ITPK1: variants seen among roughly 807,000 people sequenced by gnomAD.
ITPK1 encodes inositol-tetrakisphosphate 1-kinase.
Under a neutral mutation model 45.3 loss-of-function variants are expected in ITPK1, and 21 were observed. That is an observed-to-expected ratio of 0.46 (90% CI 0.33 to 0.67). The LOEUF (loss-of-function observed/expected upper bound fraction) is 0.67, where lower values mean the gene tolerates loss of function less well. ITPK1 is among the 30% of genes least tolerant of loss of function. The pLI is 0.02. For synonymous variants in ITPK1, 258 were observed against 253.6 expected (o/e 1.02, Z -0.16); for missense variants, 474 against 573.5 (o/e 0.83, Z 1.77).
At chr14:93,042,022 C>T (rs549918494) in intron 3 of ITPK1, among the ~76,000 whole-genome samples, 3 of 152,288 alleles carry the variant, frequency 2.0e-5, no homozygotes, top group Admixed American at 6.5e-5. Flanking sequence ...CAGCAGTGAC[C>T]GCCTACCACA....
chr14:93,085,806 G>A (rs1019140373), intron 2 of ITPK1, among the ~76,000 whole-genome samples: 2 of 152,218 alleles, frequency 1.3e-5, no homozygotes, highest in East Asian at 3.9e-4. Context: ...GGAAATTCTC[G>A]ACTTGAAATT....
Position 92,940,490 on chromosome 14 carries a change from G to A in ITPK1, c.*1071C>T. On this transcript the variant is annotated 3_prime_UTR_variant, in exon 11 of 11. Coordinates refer to ENST00000267615, the MANE Select transcript of ITPK1 (RefSeq NM_014216.6). ...TGGCACCTGCTGGCTCAGTGCTTGG[G>A]GCTTGCAATGAGAGGTGGACCAGGC... The A allele has an allele frequency of 8.7e-7, 1 of 1,148,424 alleles. No individual in the cohort carries two copies. The highest frequency in any genetic ancestry group is 1.1e-6 in the Non-Finnish European group (1 of 921,684). 71.1% of individuals were successfully genotyped at this position (1,148,424 alleles called of 1,614,324 possible). A position where few individuals can be genotyped will look rare whatever the true frequency, so the allele number is the denominator to read the frequency against.
intron 5 of ITPK1, among the ~76,000 whole-genome samples, chr14:92,974,965 G>A (rs1285754254): frequency 6.6e-6 from 1 of 152,248 alleles, no homozygotes; most frequent in African/African-American, 2.4e-5. Context: ...GGGCACAGGG[G>A]CTAGGGCAGG....
intron 5 of ITPK1, among the ~76,000 whole-genome samples, chr14:92,966,838 G>A (rs564252536): frequency 1.4e-4 from 22 of 152,324 alleles, no homozygotes; most frequent in African/African-American, 5.3e-4. Flanking sequence ...ACAATTCAAG[G>A]GGCGGAAAGA....
intron 2 of ITPK1, among the ~76,000 whole-genome samples, chr14:93,086,164 G>T (rs1740692): frequency 2.6e-5 from 4 of 152,034 alleles, no homozygotes; most frequent in Non-Finnish European, 5.9e-5. Context: ...TGGACTCACT[G>T]GGGGAGGGAG....
rs1273819503 is a variant in ITPK1 at position 93,012,872 on chromosome 14, G to T, written c.246+3804C>A. Among the ~76,000 whole-genome samples the T allele has an allele frequency of 1.3e-5, 2 of 152,220 alleles. No homozygotes were observed. Among genetic ancestry groups the T allele is most frequent in the African/African-American group, 4.8e-5 (2 of 41,464 alleles). Reference sequence around the variant, plus strand: ...CCGAGGCAGCCCCACATGGCCCATGGATCACAATCACAGCACCCCTTCAGG... The same window carrying T: ...CCGAGGCAGCCCCACATGGCCCATGTATCACAATCACAGCACCCCTTCAGG... On this transcript the variant is annotated intron_variant, in intron 4 of 10. Transcript: ENST00000267615. The surrounding 1 kb of genome is among the most constrained non-coding windows in gnomAD (Gnocchi z 4.9).
chr14:93,051,083 C>G (rs892894707), intron 3 of ITPK1, among the ~76,000 whole-genome samples: 1 of 152,110 alleles, frequency 6.6e-6, no homozygotes, highest in Non-Finnish European at 1.5e-5. Context: ...ACCTGACGGA[C>G]AAGGAACCAA....
intron 5 of ITPK1, among the ~76,000 whole-genome samples, chr14:92,982,201 C>T (rs1886270139): frequency 6.6e-6 from 1 of 152,224 alleles, no homozygotes. Flanking sequence ...TCTAAGTCAA[C>T]CCCAAGATCC....
intron 2 of ITPK1, among the ~76,000 whole-genome samples, chr14:93,090,855 G>A (rs1399944748): frequency 6.6e-6 from 1 of 151,990 alleles, no homozygotes; most frequent in Non-Finnish European, 1.5e-5. Context: ...TGTCCAAATC[G>A]AAACGCTACA....
At chr14:93,068,045 A>T (rs775974648) in intron 3 of ITPK1, 17 of 153,356 alleles carry the variant, frequency 1.1e-4, no homozygotes, top group Non-Finnish European at 2.1e-4. Flanking sequence ...CACTGAAACA[A>T]TGTATCTTTC....
chr14:92,996,795 G>A (rs1213963329), intron 4 of ITPK1, among the ~76,000 whole-genome samples: 2 of 152,174 alleles, frequency 1.3e-5, no homozygotes, highest in East Asian at 3.9e-4. Flanking sequence ...GAAGCAGCCT[G>A]GTGTAGTGGG....
chr14:93,017,795 C>T (rs1370013173), intron 3 of ITPK1, among the ~76,000 whole-genome samples: 6 of 152,214 alleles, frequency 3.9e-5, no homozygotes, highest in African/African-American at 1.2e-4. Context: ...AAAAATGTTA[C>T]GAAAGACATC....
chr14:92,945,879 A>G (rs1887660686), intron 10 of ITPK1, among the ~76,000 whole-genome samples: 1 of 152,152 alleles, frequency 6.6e-6, no homozygotes, highest in Non-Finnish European at 1.5e-5. Flanking sequence ...AGGGTGGTGG[A>G]GGCAACGTGA....
At chr14:92,978,156 C>T (rs559700663) in intron 5 of ITPK1, among the ~76,000 whole-genome samples, 3 of 152,044 alleles carry the variant, frequency 2.0e-5, no homozygotes, top group Non-Finnish European at 4.4e-5. Flanking sequence ...AGCAAAGAGA[C>T]TGGCATATTG....
intron 5 of ITPK1, among the ~76,000 whole-genome samples, chr14:92,970,603 G>A (rs1303868243): frequency 2.6e-5 from 4 of 152,126 alleles, no homozygotes; most frequent in Non-Finnish European, 4.4e-5. Context: ...GGGCACTGGG[G>A]ACAGGATCAG....
intron 8 of ITPK1, among the ~76,000 whole-genome samples, chr14:92,956,637 A>T (rs1203917649): frequency 6.6e-6 from 1 of 152,246 alleles, no homozygotes; most frequent in East Asian, 1.9e-4. Context: ...ACAGTGGATA[A>T]GAAAGGAGAT....
chr14:92,939,611 A>T lies in ITPK1; in HGVS notation c.*1950T>A. Reference sequence around the variant, plus strand: ...CAGCCCCGCCCCCGCCCCACCACGGAGGCCTATGGACGCCACCACGACACC... The same window carrying T: ...CAGCCCCGCCCCCGCCCCACCACGGTGGCCTATGGACGCCACCACGACACC... On this transcript the variant is annotated 3_prime_UTR_variant, in exon 11 of 11. Coordinates refer to ENST00000267615, the MANE Select transcript of ITPK1 (RefSeq NM_014216.6). 1.7e-6 allele frequency: 1 copy of T among 594,254 alleles called. No homozygotes were observed. The highest frequency in any genetic ancestry group is 2.1e-6 in the Non-Finnish European group (1 of 475,770). 36.8% of individuals were successfully genotyped at this position (594,254 alleles called of 1,614,324 possible).
intron 5 of ITPK1, among the ~76,000 whole-genome samples, chr14:92,988,728 A>T (rs1042367286): frequency 6.6e-6 from 1 of 152,142 alleles, no homozygotes; most frequent in South Asian, 2.1e-4. Flanking sequence ...TCTGATCCCA[A>T]ATCTGCCCCA....
Position 93,087,359 on chromosome 14 carries a change from C to T in ITPK1, c.96-10740G>A, listed in dbSNP as rs1473809396. Reference sequence around the variant, plus strand: ...TATTTCAAGATGCCTCACTCCTTCACATCTGTAAGCCAAGAGCAGTGGCAC... The same window carrying T: ...TATTTCAAGATGCCTCACTCCTTCATATCTGTAAGCCAAGAGCAGTGGCAC... On this transcript the variant is annotated intron_variant, in intron 2 of 10. Transcript: ENST00000267615. Among the ~76,000 whole-genome samples the T allele has an allele frequency of 2.6e-5, 4 of 152,212 alleles. No homozygotes were observed. In the East Asian group the frequency reaches 7.7e-4, roughly 29 times the overall value.
Sources: allele counts gnomAD v4.1 joint callset (sites outside exome capture counted in the v4.1 genomes callset), GRCh38; gene constraint gnomAD v4.1.1; non-coding constraint Gnocchi (gnomAD v3.1); transcripts MANE v1.5; gene names NCBI Gene and HGNC (gene_info 2026-07-23, HGNC 2026-07-21).